Variants in UBE2L3 observed in about 807,000 individuals in gnomAD.
The protein encoded by UBE2L3 is ubiquitin conjugating enzyme E2 L3.
UBE2L3 carries 1 observed loss-of-function variant against 17.8 expected under a neutral mutation model. The ratio of observed to expected loss-of-function variants is 0.06; its 90% CI spans 0.02 to 0.27. The LOEUF (loss-of-function observed/expected upper bound fraction) is 0.27. UBE2L3 is among the 10% of genes least tolerant of loss of function. The pLI is 1.00. For synonymous variants in UBE2L3, 44 were observed against 68.5 expected, an observed-to-expected ratio of 0.64 and a Z score of 1.76; for missense variants, 40 against 192.6, an observed-to-expected ratio of 0.21 and a Z score of 4.69.
In UBE2L3 at chr22:21,589,557, A is replaced by G. The variant is rs1928147790; in HGVS notation, c.28-3304A>G. Among the ~76,000 whole-genome samples, 3 of 152,264 alleles carry G rather than the reference A, an allele frequency of 2.0e-5. No individual in the cohort carries two copies. In the South Asian group the frequency reaches 6.2e-4, roughly 32 times the overall value. On this transcript the variant is annotated intron_variant, in intron 1 of 3. Coordinates refer to ENST00000342192, the MANE Select transcript of UBE2L3 (RefSeq NM_003347.4). ...GCCCGTGGTTCTCAGTAGAAGCTGT[A>G]GAGGATGTTGGGAAATTGGGGTGGG...
At chr22:21,564,585 G>C (rs1344920219), upstream of UBE2L3, among the ~76,000 whole-genome samples, 1 of 152,154 alleles carries the variant, frequency 6.6e-6, no homozygotes, top group Non-Finnish European at 1.5e-5. Context: ...AAGTGCAAGG[G>C]AGTCATCTTG....
chr22:21,610,659 C>T (rs1929429048), intron 2 of UBE2L3, among the ~76,000 whole-genome samples, 198 bp from the exon 3 acceptor site: 2 of 152,176 alleles, frequency 1.3e-5, no homozygotes. Context: ...CAATCTCAAG[C>T]CCCTTCTCAG....
intron 1 of UBE2L3, among the ~76,000 whole-genome samples, chr22:21,557,982 C>T (rs1256164533): frequency 1.3e-4 from 20 of 149,182 alleles, no homozygotes; most frequent in African/African-American, 1.5e-4. Context: ...CATCCCAGTA[C>T]ATAATGACTT....
At chr22:21,561,462 G>C (rs190815426) in intron 1 of UBE2L3, among the ~76,000 whole-genome samples, 1,801 of 151,588 alleles carry the variant, frequency 0.012, no homozygotes, top group African/African-American at 0.042. Context: ...TGCACCTGTA[G>C]TTCTAGCTGC....
chr22:21,564,521 G>A (rs1926564956), upstream of UBE2L3, among the ~76,000 whole-genome samples: 1 of 152,152 alleles, frequency 6.6e-6, no homozygotes, highest in Admixed American at 6.6e-5. Context: ...CATTTCCTGA[G>A]TGCTTGTTTA....
At chr22:21,616,565 T>A (rs1929785271) in intron 3 of UBE2L3, among the ~76,000 whole-genome samples, 2 of 150,374 alleles carry the variant, frequency 1.3e-5, no homozygotes, top group South Asian at 4.2e-4. Flanking sequence ...GGCAGGAGAA[T>A]CACTTGAACC....
chr22:21,559,803 G>A (rs1440679440), intron 1 of UBE2L3, among the ~76,000 whole-genome samples: 1 of 152,198 alleles, frequency 6.6e-6, no homozygotes, highest in African/African-American at 2.4e-5. Flanking sequence ...AGGGTGCAGG[G>A]AGGACTGGAG....
At chr22:21,551,938 A>T (rs1326289330) in intron 1 of UBE2L3, among the ~76,000 whole-genome samples, 1 of 109,858 alleles carries the variant, frequency 9.1e-6, no homozygotes, top group South Asian at 2.8e-4. Flanking sequence ...GAAGGAATAC[A>T]CACATACACT....
intron 1 of UBE2L3, among the ~76,000 whole-genome samples, chr22:21,575,631 CTTTTTT>C (rs533923826): frequency 3.0e-4 from 22 of 73,424 alleles, no homozygotes; most frequent in African/African-American, 8.6e-4. Context: ...AGTTGAATAG[CTTTTTT>C]TTTTTTTTTT....
chr22:21,581,847 C>A (rs955625895), intron 1 of UBE2L3, among the ~76,000 whole-genome samples: 1 of 151,622 alleles, frequency 6.6e-6, no homozygotes, highest in African/African-American at 2.4e-5. Context: ...CCCAGTAGCT[C>A]ATGCCTATAA....
chr22:21,559,554 A>C (rs1344212097), intron 1 of UBE2L3, among the ~76,000 whole-genome samples: 2 of 151,912 alleles, frequency 1.3e-5, no homozygotes, highest in Non-Finnish European at 2.9e-5. Flanking sequence ...GAGCCGCATC[A>C]GAGCAGGCTT....
At chr22:21,560,907 A>T (rs1314573824) in intron 1 of UBE2L3, among the ~76,000 whole-genome samples, 1 of 152,306 alleles carries the variant, frequency 6.6e-6, no homozygotes, top group African/African-American at 2.4e-5. Context: ...TAAGCATGCA[A>T]TCTAGCCAGG....
rs779049247 is a variant in UBE2L3, at chr22:21,608,741, A to ATTTT, written c.124-2098_124-2095dup. The stretch of plus-strand genomic sequence containing the variant: ...AGCCTGGCCCAGGCTAATATATTTA[A>ATTTT]TTTTTTTTTTTTTTTTTTTTTGTAG... On this transcript the variant is annotated intron_variant, in intron 2 of 3. Transcript: ENST00000342192. 9.8e-3 allele frequency among the ~76,000 whole-genome samples: 1,072 copies of ATTTT among 109,804 alleles called. 16 individuals are homozygous for ATTTT. The highest frequency in any genetic ancestry group is 0.042 in the Middle Eastern group (9 of 212). The allele number at this position is 109,804 out of a possible 152,430, so 72.0% of individuals were successfully genotyped here.
At chr22:21,590,301 G>A (rs889718496) in intron 1 of UBE2L3, among the ~76,000 whole-genome samples, 16 of 152,228 alleles carry the variant, frequency 1.1e-4, no homozygotes, top group East Asian at 1.9e-4. Context: ...GGGTTCGAGC[G>A]ATTCTCCTGC....
At chr22:21,615,745 C>T (rs1298561054) in intron 3 of UBE2L3, among the ~76,000 whole-genome samples, 1 of 152,130 alleles carries the variant, frequency 6.6e-6, no homozygotes, top group African/African-American at 2.4e-5. Flanking sequence ...CAGATGTGTG[C>T]GTGTGCAGAG....
intron 1 of UBE2L3, chr22:21,568,340 G>A: frequency 1.0e-6 from 1 of 985,510 alleles, no homozygotes; most frequent in Non-Finnish European, 1.2e-6. Flanking sequence ...CTGGGTCCTA[G>A]CAAACTGTCG....
rs571656545 is a variant in UBE2L3, at chr22:21,558,776, C to T, written c.201+9126C>T. ...GAGGGCTGGGATTACAGGCATGAGC[C>T]ACCACACCCAGCCGCATATTTTTTA... On this transcript the variant is annotated intron_variant, in intron 1 of 3. Coordinates refer to the UBE2L3 transcript ENST00000458578. Among the ~76,000 whole-genome samples, 29 of 152,346 alleles carry T rather than the reference C, an allele frequency of 1.9e-4. No individual in the cohort carries two copies. In the South Asian group the frequency reaches 6.0e-3, roughly 32 times the overall value.
chr22:21,563,423 G>A (rs1162642676), upstream of UBE2L3, among the ~76,000 whole-genome samples: 6 of 141,562 alleles, frequency 4.2e-5, no homozygotes, highest in African/African-American at 1.6e-4. Context: ...TTAGCCAGGC[G>A]TGGTGGCGGG....
chr22:21,578,291 C>T (rs28669770), intron 1 of UBE2L3, among the ~76,000 whole-genome samples: 3 of 150,622 alleles, frequency 2.0e-5, no homozygotes, highest in African/African-American at 7.3e-5. Context: ...ACCCGGGAGT[C>T]GGAGCTTGTA....
Sources: allele counts gnomAD v4.1 joint callset (sites outside exome capture counted in the v4.1 genomes callset), GRCh38; gene constraint gnomAD v4.1.1; transcripts MANE v1.5; gene names NCBI Gene and HGNC (gene_info 2026-07-23, HGNC 2026-07-21).